Variants in RGMA observed in about 807,000 individuals in gnomAD.
RGMA encodes the protein repulsive guidance molecule BMP co-receptor a.
A neutral mutation model predicts 23.2 loss-of-function variants in RGMA; 10 were observed. That is an observed-to-expected ratio of 0.43 (90% CI 0.27 to 0.73). The LOEUF (loss-of-function observed/expected upper bound fraction) is 0.73, where lower values mean the gene tolerates loss of function less well. RGMA is among the 30% of genes least tolerant of loss of function. The pLI is 0.20. For synonymous variants in RGMA, 308 were observed against 279.3 expected, an observed-to-expected ratio of 1.10 and a Z score of -1.03; for missense variants, 547 against 630.5, an observed-to-expected ratio of 0.87 and a Z score of 1.42.
chr15:93,051,840 C>T (rs963443258), intron 3 of RGMA, 153 bp downstream of exon 3: 2 of 787,950 alleles, frequency 2.5e-6, no homozygotes, highest in Non-Finnish European at 2.0e-6. Context: ...AGACCCACCC[C>T]CTTGGGATGC....
rs528679236 is a variant in RGMA at position 93,079,622 on chromosome 15, C to G, written c.15-6591G>C. Among the ~76,000 whole-genome samples the G allele has an allele frequency of 5.8e-4, 89 of 152,284 alleles. 1 individual carries two copies. In the Middle Eastern group the frequency reaches 0.014, roughly 23 times the overall value. On this transcript the variant is annotated intron_variant, in intron 1 of 3. Coordinates refer to ENST00000329082, the MANE Select transcript of RGMA (RefSeq NM_020211.3). Reference sequence around the variant, plus strand: ...ATTACCTGAGGTCAGGAGTTTGAGACCAGCCTGGCCAATGTGGTGAAACCC... The same window carrying G: ...ATTACCTGAGGTCAGGAGTTTGAGAGCAGCCTGGCCAATGTGGTGAAACCC...
intron 3 of RGMA, among the ~76,000 whole-genome samples, chr15:93,049,388 A>C (rs1421583933): frequency 6.6e-6 from 1 of 152,196 alleles, no homozygotes. Flanking sequence ...AAGGAAGGGG[A>C]AGGCGCAGGA....
chr15:93,055,122 C>T (rs1023786319), intron 2 of RGMA, among the ~76,000 whole-genome samples: 1 of 152,158 alleles, frequency 6.6e-6, no homozygotes, highest in African/African-American at 2.4e-5. Flanking sequence ...CATTCTGCCT[C>T]CTCAGAATCA....
chr15:93,045,661 C>T lies in RGMA; in HGVS notation c.690G>A (p.Lys230=), dbSNP rs2054813829. 1.2e-6 allele frequency: 2 copies of T among 1,608,690 alleles called. No individual in the cohort carries two copies. The highest frequency in any genetic ancestry group is 3.3e-5 in the Admixed American group (2 of 60,006). ...FKNFQECVDQ[K]VYQAEMDELP... The stretch of plus-strand genomic sequence containing the variant: ...GCTCGTCCATCTCAGCCTGGTACAC[C>T]TTCTGGTCCACACACTCCTGGAAGT... The change falls in exon 4 of 4, where the codon AAG becomes AAA. Residue 230 remains lysine, a synonymous_variant. Coordinates refer to ENST00000329082, the MANE Select transcript of RGMA (RefSeq NM_020211.3). This position sits in a 1 kb window ranked among gnomAD's most constrained non-coding sequence, Gnocchi z 6.9.
At chr15:93,053,994 C>T (rs994502025) in intron 2 of RGMA, among the ~76,000 whole-genome samples, 3 of 152,076 alleles carry the variant, frequency 2.0e-5, no homozygotes, top group African/African-American at 7.2e-5. Context: ...TTTTGGGAGG[C>T]CGAGGCAGGC....
intron 1 of RGMA, 45 bp downstream of exon 1, chr15:93,088,874 G>C: frequency 6.7e-7 from 1 of 1,489,018 alleles, no homozygotes; most frequent in Non-Finnish European, 8.9e-7. Context: ...GCGGCGCCTC[G>C]GAGATGTCAG....
chr15:93,079,516 G>A (rs1895524806), intron 1 of RGMA, among the ~76,000 whole-genome samples: 1 of 152,164 alleles, frequency 6.6e-6, no homozygotes, highest in African/African-American at 2.4e-5. Context: ...CTGCAAAAGT[G>A]GCTATTTAAA....
At chr15:93,076,665 GTACTT>G (rs1315592423) in intron 1 of RGMA, among the ~76,000 whole-genome samples, 2 of 152,142 alleles carry the variant, frequency 1.3e-5, no homozygotes, top group African/African-American at 2.4e-5. Context: ...TGCCAGCTGA[GTACTT>G]TACATTTCTA....
At chr15:93,074,353 C>A (rs1421135075) in intron 1 of RGMA, among the ~76,000 whole-genome samples, 1 of 152,138 alleles carries the variant, frequency 6.6e-6, no homozygotes, top group African/African-American at 2.4e-5. Context: ...GTTCCGGCTG[C>A]CAGGTCGGGA....
At chr15:93,051,703 C>T (rs1272349122) in intron 3 of RGMA, among the ~76,000 whole-genome samples, 1 of 152,224 alleles carries the variant, frequency 6.6e-6, no homozygotes, top group African/African-American at 2.4e-5. Flanking sequence ...TCTAGCTCAG[C>T]ATTCCAGCTG....
At position 93,088,187 on chromosome 15, in the gene RGMA, T is replaced by A. The variant is rs963003483; in HGVS notation, c.14+732A>T. ...TACCTCCGAGCAAGTCTAATACAAT[T>A]ACATTAATAAGACGCAATCCCGAAT... On this transcript the variant is annotated intron_variant, in intron 1 of 3. Coordinates refer to ENST00000329082, the MANE Select transcript of RGMA (RefSeq NM_020211.3). The A allele has an allele frequency of 2.0e-5, 17 of 837,960 alleles. No individual in the cohort carries two copies. The African/African-American group carries it at 3.1e-4, about 15-fold the overall frequency. 51.9% of individuals were successfully genotyped at this position (837,960 alleles called of 1,614,324 possible). A position where few individuals can be genotyped will look rare whatever the true frequency, so the allele number is the denominator to read the frequency against.
intron 1 of RGMA, chr15:93,073,457 T>C: frequency 2.0e-6 from 2 of 1,020,658 alleles, no homozygotes; most frequent in South Asian, 1.7e-5. Flanking sequence ...CCCAGCACCC[T>C]TGGGAGGCCG....
At position 93,045,400 on chromosome 15, in the gene RGMA, C is replaced by A; in HGVS notation, c.951G>T (p.Arg317=). ...CGATCTGCTGGTTGAGGGGGCAGCCCCGCAGGCAGAGGTAGAGACCCTGGC... is the reference window on the plus strand; with the variant it reads ...CGATCTGCTGGTTGAGGGGGCAGCCACGCAGGCAGAGGTAGAGACCCTGGC... ...WDSQGLYLCL[R]GCPLNQQIDF... Residue 317 remains arginine, a synonymous_variant, in exon 4 of 4, where the codon CGG becomes CGT. Coordinates refer to ENST00000329082, the MANE Select transcript of RGMA (RefSeq NM_020211.3). This position sits in a 1 kb window ranked among gnomAD's most constrained non-coding sequence, Gnocchi z 6.9. 6.2e-7 allele frequency: 1 copy of A among 1,613,210 alleles called. No homozygotes were observed. The highest frequency in any genetic ancestry group is 8.5e-7 in the Non-Finnish European group (1 of 1,179,838).
chr15:93,047,035 A>G (rs1453454222), intron 3 of RGMA, among the ~76,000 whole-genome samples: 2 of 152,216 alleles, frequency 1.3e-5, no homozygotes, highest in South Asian at 2.1e-4. Context: ...GGATGAGAAA[A>G]TGTAGGCTCA....
intron 3 of RGMA, among the ~76,000 whole-genome samples, chr15:93,048,934 G>A: frequency 6.6e-6 from 1 of 152,106 alleles, no homozygotes; most frequent in Non-Finnish European, 1.5e-5. Context: ...CTTTCCAAGT[G>A]CCATCAGTCT....
At chr15:93,060,403 GAC>G (rs1162436570) in intron 2 of RGMA, among the ~76,000 whole-genome samples, 1 of 152,244 alleles carries the variant, frequency 6.6e-6, no homozygotes, top group African/African-American at 2.4e-5. Context: ...AGTGTGCAAA[GAC>G]AGTGCTCTGG....
At chr15:93,063,009 A>G (rs796772188) in intron 2 of RGMA, 14 of 152,276 alleles carry the variant, frequency 9.2e-5, no homozygotes, top group African/African-American at 3.4e-4. Context: ...CTTTTTTCCA[A>G]TAGATGGCAG....
intron 2 of RGMA, among the ~76,000 whole-genome samples, chr15:93,052,857 C>T (rs1025675796): frequency 1.3e-5 from 2 of 152,196 alleles, no homozygotes; most frequent in Admixed American, 1.3e-4. Flanking sequence ...CTTTCATGGC[C>T]ATCCCCAAGA....
chr15:93,057,497 C>G (rs1470641508), intron 2 of RGMA, among the ~76,000 whole-genome samples: 1 of 152,196 alleles, frequency 6.6e-6, no homozygotes, highest in East Asian at 1.9e-4. Context: ...GGCCCTCTCT[C>G]TAGAACTGGG....
Sources: allele counts gnomAD v4.1 joint callset (sites outside exome capture counted in the v4.1 genomes callset), GRCh38; gene constraint gnomAD v4.1.1; non-coding constraint Gnocchi (gnomAD v3.1); transcripts MANE v1.5; gene names NCBI Gene and HGNC (gene_info 2026-07-23, HGNC 2026-07-21).